ASIC2: variants seen among roughly 807,000 people sequenced by gnomAD.
The protein encoded by ASIC2 is acid-sensing ion channel 2.
In ASIC2, 25 loss-of-function variants were observed where a neutral mutation model predicts 57.3. The ratio of observed to expected loss-of-function variants is 0.44; its 90% CI spans 0.32 to 0.61. The LOEUF (loss-of-function observed/expected upper bound fraction) is 0.61. ASIC2 is among the 20% of genes least tolerant of loss of function. The pLI is 0.06. For synonymous variants in ASIC2, 319 were observed against 307.5 expected, an observed-to-expected ratio of 1.04 and a Z score of -0.39; for missense variants, 641 against 738.1, an observed-to-expected ratio of 0.87 and a Z score of 1.52.
intron 1 of ASIC2, among the ~76,000 whole-genome samples, chr17:33,796,841 C>T (rs1277174218): frequency 6.6e-6 from 1 of 152,180 alleles, no homozygotes; most frequent in Admixed American, 6.5e-5. Context: ...TTGGCTCACT[C>T]ATGTACTAAA....
intron 1 of ASIC2, among the ~76,000 whole-genome samples, chr17:33,178,514 A>C (rs1905851031): frequency 6.6e-6 from 1 of 152,256 alleles, no homozygotes; most frequent in Non-Finnish European, 1.5e-5. Flanking sequence ...ATCATAAATA[A>C]AACCATAAAG....
intron 1 of ASIC2, among the ~76,000 whole-genome samples, chr17:33,583,826 A>G (rs1278170781): frequency 6.6e-6 from 1 of 152,134 alleles, no homozygotes; most frequent in Admixed American, 6.5e-5. Context: ...TTATTCAGTC[A>G]CAGCATGGGC....
rs1909203851 is a variant in ASIC2 at position 33,715,888 on chromosome 17, G to A, written c.555+440090C>T. On this transcript the variant is annotated intron_variant, in intron 1 of 9. Transcript: ENST00000359872. ...CGTCATGTAGATACAGAGAGAAAGT[G>A]GCGTGGAGGGCCTAGAATTCAACAT... is the stretch of plus-strand genomic sequence containing the variant. 2.0e-5 allele frequency among the ~76,000 whole-genome samples: 3 copies of A among 152,146 alleles called. No homozygotes were observed. In the East Asian group the frequency reaches 5.8e-4, roughly 29 times the overall value.
At chr17:33,793,202 T>C (rs1365720728) in intron 1 of ASIC2, among the ~76,000 whole-genome samples, 2 of 152,254 alleles carry the variant, frequency 1.3e-5, no homozygotes, top group African/African-American at 4.8e-5. Flanking sequence ...GTAAGAAATA[T>C]CTATAGTAAT....
chr17:34,097,613 T>C (rs1255912900), intron 1 of ASIC2, among the ~76,000 whole-genome samples: 1 of 152,160 alleles, frequency 6.6e-6, no homozygotes, highest in Non-Finnish European at 1.5e-5. Context: ...AGGCAGAGAT[T>C]GGAGTTATTT....
chr17:33,304,981 C>T (rs1360323645), intron 1 of ASIC2, among the ~76,000 whole-genome samples: 3 of 151,910 alleles, frequency 2.0e-5, no homozygotes, highest in Admixed American at 6.6e-5. Context: ...TGTTAGCACC[C>T]GTGATGTGTT....
In ASIC2 at chr17:33,421,181, G is replaced by T. The variant is rs1197850251; in HGVS notation, c.556-309114C>A. On this transcript the variant is annotated intron_variant, in intron 1 of 9. Transcript: ENST00000359872. ...AGGTTCTGTGAGCTGGGGAGCTGGGGAGCAAGAGAAAGGACCACAGCAGGG... is the reference window on the plus strand; with the variant it reads ...AGGTTCTGTGAGCTGGGGAGCTGGGTAGCAAGAGAAAGGACCACAGCAGGG... Among the ~76,000 whole-genome samples, 4 of 152,134 alleles carry T rather than the reference G, an allele frequency of 2.6e-5. No homozygotes were observed. In the East Asian group the frequency reaches 7.7e-4, roughly 29 times the overall value.
Position 33,065,895 on chromosome 17 carries a change from G to C in ASIC2, c.987+22968C>G, listed in dbSNP as rs1272415647. Among the ~76,000 whole-genome samples, 4 of 152,164 alleles carry C rather than the reference G, an allele frequency of 2.6e-5. No individual in the cohort carries two copies. The South Asian group carries it at 6.2e-4, about 24-fold the overall frequency. ...GAATGATTTTCAATCCACTTTGACG[G>C]ATGAGGCCCGAAAAGTCAAGGCCTT... is the stretch of plus-strand genomic sequence containing the variant. On this transcript the variant is annotated intron_variant, in intron 3 of 9. Transcript: ENST00000225823.
At chr17:34,077,910 C>G (rs1271665252) in intron 1 of ASIC2, among the ~76,000 whole-genome samples, 1 of 152,142 alleles carries the variant, frequency 6.6e-6, no homozygotes, top group Non-Finnish European at 1.5e-5. Context: ...CTCTCAAAAC[C>G]AGGTTGCAGT....
At position 33,018,324 on chromosome 17, in the gene ASIC2, T is replaced by C. The variant is rs139854380; in HGVS notation, c.1442-640A>G. ...TCTCCTGGAAGAATTGTAATCAGTG[T>C]TGCTGCCTGGATACACCTAGGCCAA... On this transcript the variant is annotated intron_variant, in intron 7 of 9. Transcript: ENST00000225823. Among the ~76,000 whole-genome samples the C allele has an allele frequency of 1.9e-3, 287 of 152,316 alleles. 1 individual carries two copies. The highest frequency in any genetic ancestry group is 6.7e-3 in the African/African-American group (278 of 41,570).
At chr17:33,193,044 C>T (rs1041266737) in intron 1 of ASIC2, among the ~76,000 whole-genome samples, 3 of 152,224 alleles carry the variant, frequency 2.0e-5, no homozygotes, top group African/African-American at 7.2e-5. Flanking sequence ...CCCTGGGTTT[C>T]GGGGAAATGT....
chr17:33,495,068 T>G (rs1913884057), intron 1 of ASIC2, among the ~76,000 whole-genome samples: 1 of 152,194 alleles, frequency 6.6e-6, no homozygotes, highest in Non-Finnish European at 1.5e-5. Flanking sequence ...TTGTGGTTTC[T>G]ACATAAAGCT....
chr17:33,429,161 A>G (rs922594969), intron 1 of ASIC2, among the ~76,000 whole-genome samples: 1 of 152,170 alleles, frequency 6.6e-6, no homozygotes, highest in Admixed American at 6.5e-5. Flanking sequence ...TGGGGTACCA[A>G]TGATTTCAGA....
intron 1 of ASIC2, among the ~76,000 whole-genome samples, chr17:33,714,985 T>TTTA (rs71364615): frequency 0.023 from 3,314 of 142,188 alleles, 48 homozygotes; most frequent in African/African-American, 0.029. Flanking sequence ...GCCAGGCTAA[T>TTTA]TTATTATTAT....
chr17:33,375,182 G>C (rs1432226078), intron 1 of ASIC2, among the ~76,000 whole-genome samples: 2 of 152,128 alleles, frequency 1.3e-5, no homozygotes, highest in Non-Finnish European at 2.9e-5. Flanking sequence ...CTGTGGTGGG[G>C]GTGTTTGCTC....
intron 1 of ASIC2, among the ~76,000 whole-genome samples, chr17:33,735,360 G>A (rs560845574): frequency 4.6e-5 from 7 of 152,254 alleles, no homozygotes; most frequent in South Asian, 4.2e-4. Flanking sequence ...GAAGGGCTCC[G>A]TGCTTTTCCT....
intron 1 of ASIC2, among the ~76,000 whole-genome samples, chr17:33,426,139 T>C (rs1330704858): frequency 6.6e-6 from 1 of 152,112 alleles, no homozygotes; most frequent in Non-Finnish European, 1.5e-5. Context: ...TTTGTTGTTG[T>C]TGTTTTTGTT....
chr17:33,890,712 C>T (rs1485386820), intron 1 of ASIC2, among the ~76,000 whole-genome samples: 2 of 152,188 alleles, frequency 1.3e-5, no homozygotes, highest in African/African-American at 4.8e-5. Flanking sequence ...ACAAACACTT[C>T]AATTCTCACT....
Position 34,125,933 on chromosome 17 carries a change from C to T in ASIC2, c.555+30045G>A, listed in dbSNP as rs1192597216. On this transcript the variant is annotated intron_variant, in intron 1 of 9. Coordinates refer to the ASIC2 transcript ENST00000359872. ...TGTGGAACACAGGAGGCCATGCCCC[C>T]CATCCACGTCACTCCCCTTGGTCAC... Among the ~76,000 whole-genome samples, 6 of 152,228 alleles carry T rather than the reference C, an allele frequency of 3.9e-5. No homozygotes were observed. In the East Asian group the frequency reaches 1.2e-3, roughly 29 times the overall value.
Sources: allele counts gnomAD v4.1 joint callset (sites outside exome capture counted in the v4.1 genomes callset), GRCh38; gene constraint gnomAD v4.1.1; transcripts MANE v1.5; gene names NCBI Gene and HGNC (gene_info 2026-07-23, HGNC 2026-07-21).